ASIC5: variants seen among roughly 807,000 people sequenced by gnomAD.
ASIC5 encodes acid sensing ion channel subunit family member 5, also known as bile acid-sensitive ion channel.
In ASIC5, 52 loss-of-function variants were observed where a neutral mutation model predicts 51.2. That is an observed-to-expected ratio of 1.02 (90% CI 0.81 to 1.28). ASIC5 has a LOEUF of 1.28. Among genes scored for constraint, ASIC5 ranks in the 50% most tolerant of loss-of-function variants. The pLI is 0.00. For missense variants in ASIC5, 635 were observed against 595.0 expected, an observed-to-expected ratio of 1.07 and a Z score of -0.70; for synonymous variants, 231 against 200.7, an observed-to-expected ratio of 1.15 and a Z score of -1.28.
chr4:155,865,278 A>G (rs1343871274), intron 1 of ASIC5, among the ~76,000 whole-genome samples: 1 of 152,110 alleles, frequency 6.6e-6, no homozygotes, highest in Non-Finnish European at 1.5e-5. Context: ...GTATAAAATT[A>G]ATGAACATGT....
At chr4:155,835,255 G>T (rs1442762927) in intron 8 of ASIC5, among the ~76,000 whole-genome samples, 1 of 152,068 alleles carries the variant, frequency 6.6e-6, no homozygotes, top group African/African-American at 2.4e-5. Flanking sequence ...TGGGGTAGGA[G>T]CCCAAAGCGC....
At chr4:155,856,164 C>T (rs1357152752) in intron 2 of ASIC5, among the ~76,000 whole-genome samples, 1 of 151,926 alleles carries the variant, frequency 6.6e-6, no homozygotes, top group African/African-American at 2.4e-5. Context: ...CCTCTGTATC[C>T]GGTTGGGATG....
chr4:155,831,721 C>A, intron 9 of ASIC5, 103 bp downstream of exon 9: 1 of 673,258 alleles, frequency 1.5e-6, no homozygotes, highest in South Asian at 2.0e-5. Context: ...TTGCAGTAAG[C>A]CAAGATGGCG....
chr4:155,835,349 C>T (rs1286487482), intron 8 of ASIC5, among the ~76,000 whole-genome samples: 1 of 151,794 alleles, frequency 6.6e-6, no homozygotes, highest in African/African-American at 2.4e-5. Context: ...GAGCAACACC[C>T]TGTTGCACAT....
At chr4:155,856,665 G>A (rs1037090735) in intron 2 of ASIC5, among the ~76,000 whole-genome samples, 1 of 151,974 alleles carries the variant, frequency 6.6e-6, no homozygotes, top group African/African-American at 2.4e-5. Flanking sequence ...GGAATTAAGA[G>A]TTTACATCAG....
At chr4:155,833,355 G>A (rs114129619) in intron 8 of ASIC5, among the ~76,000 whole-genome samples, 2,319 of 152,028 alleles carry the variant, frequency 0.015, 32 homozygotes, top group South Asian at 0.033. Flanking sequence ...AGAATTATGT[G>A]GTGATCTTTA....
Position 155,854,325 on chromosome 4 carries a change from G to A in ASIC5, c.348-11C>T. 6.7e-7 allele frequency: 1 copy of A among 1,502,414 alleles called. No homozygotes were observed. Among genetic ancestry groups the A allele is most frequent in the Non-Finnish European group, 9.2e-7 (1 of 1,081,088 alleles). 93.1% of individuals were successfully genotyped at this position (1,502,414 alleles called of 1,614,324 possible). A position where few individuals can be genotyped will look rare whatever the true frequency, so the allele number is the denominator to read the frequency against. ...GCATCTGTTTGGAACCTATTAGCAG[G>A]AATGAAGGCAATAGTTAGAATAATG... On this transcript the variant is annotated splice_polypyrimidine_tract_variant and intron_variant, in intron 2 of 9. Transcript: ENST00000537611.
intron 6 of ASIC5, among the ~76,000 whole-genome samples, chr4:155,840,907 C>T (rs1560743010): frequency 6.6e-6 from 1 of 152,028 alleles, no homozygotes; most frequent in African/African-American, 2.4e-5. Context: ...GAACAAAAAT[C>T]TGGCCCATCT....
chr4:155,840,390 GC>G (rs1389329651), intron 6 of ASIC5, among the ~76,000 whole-genome samples: 2 of 147,910 alleles, frequency 1.4e-5, no homozygotes, highest in Non-Finnish European at 3.0e-5. Flanking sequence ...AACCACTTTT[GC>G]AAAATTTATA....
At position 155,829,770 on chromosome 4, in the gene ASIC5, A is replaced by G. The variant is rs907306275; in HGVS notation, c.*86T>C. 2.4e-6 allele frequency: 2 copies of G among 841,922 alleles called. No individual in the cohort carries two copies. The allele number at this position is 841,922 out of a possible 1,614,324, so 52.2% of individuals were successfully genotyped here. A position where few individuals can be genotyped will look rare whatever the true frequency, so the allele number is the denominator to read the frequency against. ...TAATGGCTTTTATCGAACTCTCAAA[A>G]CTATAGAAAAGTGACGTAACAATGA... On this transcript the variant is annotated 3_prime_UTR_variant, in exon 10 of 10. Transcript: ENST00000537611.
intron 8 of ASIC5, among the ~76,000 whole-genome samples, chr4:155,835,733 A>G (rs1024387315): frequency 1.3e-5 from 2 of 152,194 alleles, no homozygotes; most frequent in African/African-American, 4.8e-5. Context: ...TTATCACTTT[A>G]TCTGCTGTTT....
At chr4:155,844,012 C>T (rs908540650) in intron 4 of ASIC5, among the ~76,000 whole-genome samples, 182 bp from the exon 5 acceptor site, 1 of 152,038 alleles carries the variant, frequency 6.6e-6, no homozygotes, top group Non-Finnish European at 1.5e-5. Flanking sequence ...GTGGTTGAAT[C>T]GGTGAAAGGA....
At chr4:155,859,793 T>A (rs1741647608) in intron 2 of ASIC5, among the ~76,000 whole-genome samples, 1 of 152,048 alleles carries the variant, frequency 6.6e-6, no homozygotes, top group Admixed American at 6.6e-5. Context: ...TAGAAAAGTA[T>A]TAACTTGTCA....
chr4:155,839,537 T>C (rs1741070010), intron 6 of ASIC5, among the ~76,000 whole-genome samples: 1 of 152,164 alleles, frequency 6.6e-6, no homozygotes. Flanking sequence ...AAAGACTTAG[T>C]CTTTTAGCCT....
intron 8 of ASIC5, 63 bp downstream of exon 8, chr4:155,836,626 T>C: frequency 3.1e-6 from 3 of 981,468 alleles, no homozygotes; most frequent in Non-Finnish European, 4.3e-6. Flanking sequence ...TCTTTGAGGG[T>C]TTTCAATAAA....
chr4:155,857,935 C>A (rs1741587503), intron 2 of ASIC5, among the ~76,000 whole-genome samples: 1 of 152,016 alleles, frequency 6.6e-6, no homozygotes, highest in Non-Finnish European at 1.5e-5. Context: ...TTTTTTCTTG[C>A]ATCAAACAAA....
chr4:155,863,197 T>C (rs891974694), intron 2 of ASIC5, among the ~76,000 whole-genome samples: 2 of 152,086 alleles, frequency 1.3e-5, no homozygotes, highest in East Asian at 3.9e-4. Flanking sequence ...TATTTAATGA[T>C]AGGATTTGGG....
intron 3 of ASIC5, among the ~76,000 whole-genome samples, chr4:155,852,668 G>A (rs1053529581): frequency 1.3e-5 from 2 of 151,666 alleles, no homozygotes; most frequent in East Asian, 2.0e-4. Context: ...TATGCCTAAT[G>A]TAACCTGTAT....
intron 4 of ASIC5, 58 bp downstream of exon 4, chr4:155,852,133 A>G: frequency 1.3e-6 from 2 of 1,595,410 alleles, no homozygotes; most frequent in South Asian, 2.2e-5. Flanking sequence ...TAGTCTGATC[A>G]AGTTTTTGAA....
Sources: gnomAD v4.1 joint callset for allele counts (sites outside exome capture counted in the v4.1 genomes callset) on GRCh38, gnomAD v4.1.1 for gene constraint, MANE v1.5 for transcripts, NCBI Gene and HGNC (gene_info 2026-07-23, HGNC 2026-07-21) for gene names.